ZBTB20: variants seen among roughly 807,000 people sequenced by gnomAD.
ZBTB20 encodes the protein zinc finger and BTB domain containing 20.
In ZBTB20, 9 loss-of-function variants were observed where a neutral mutation model predicts 56.9. The ratio of observed to expected loss-of-function variants is 0.16; its 90% CI spans 0.10 to 0.28. ZBTB20 has a LOEUF of 0.28. Among genes scored for constraint, ZBTB20 ranks in the 10% least tolerant of loss-of-function variants. The probability of loss-of-function intolerance (pLI) is 1.00; values close to 1 mark genes in which losing one functional copy is unlikely to be tolerated. For missense variants in ZBTB20, 655 were observed against 1,003.0 expected, an observed-to-expected ratio of 0.65 and a Z score of 4.69; for synonymous variants, 417 against 420.7, an observed-to-expected ratio of 0.99 and a Z score of 0.11.
intron 7 of ZBTB20, among the ~76,000 whole-genome samples, chr3:114,480,494 C>T (rs571603252): frequency 5.9e-5 from 9 of 152,262 alleles, no homozygotes; most frequent in East Asian, 1.9e-4. Flanking sequence ...TAAGCCCTAA[C>T]GTAAATATGA....
chr3:114,839,477 A>G (rs1355807913), intron 4 of ZBTB20, among the ~76,000 whole-genome samples: 9 of 139,926 alleles, frequency 6.4e-5, no homozygotes, highest in African/African-American at 2.1e-4. Flanking sequence ...GAGAGAGAGA[A>G]AGAAAGAGAA....
intron 1 of ZBTB20, among the ~76,000 whole-genome samples, chr3:115,132,884 T>C (rs193038154): frequency 6.6e-6 from 1 of 152,348 alleles, no homozygotes; most frequent in East Asian, 1.9e-4. Context: ...ATATTTCCTA[T>C]TATTGAATCA....
At position 114,590,352 on chromosome 3, in the gene ZBTB20, G is replaced by A. The variant is rs570756860; in HGVS notation, c.-294-89961C>T. The stretch of plus-strand genomic sequence containing the variant: ...GCACCTGTTATCCCAGCAGGAGGCT[G>A]AGGCAAGTGAATCGCTTGAACTTGG... On this transcript the variant is annotated intron_variant, in intron 6 of 11. Transcript: ENST00000675478. 4.6e-5 allele frequency among the ~76,000 whole-genome samples: 7 copies of A among 152,130 alleles called. No homozygotes were observed. The South Asian group carries it at 1.0e-3, about 23-fold the overall frequency.
intron 4 of ZBTB20, among the ~76,000 whole-genome samples, chr3:114,858,577 A>C (rs556934826): frequency 2.0e-5 from 3 of 151,834 alleles, no homozygotes; most frequent in Non-Finnish European, 4.4e-5. Context: ...CATGGACATC[A>C]TATTTGCTTT....
chr3:115,102,006 TG>T (rs888236674), intron 1 of ZBTB20, among the ~76,000 whole-genome samples: 1 of 152,250 alleles, frequency 6.6e-6, no homozygotes, highest in Non-Finnish European at 1.5e-5. Context: ...TTTTGGGTCA[TG>T]TTTAGAATAC....
chr3:115,071,844 T>C (rs2082420274), intron 1 of ZBTB20, among the ~76,000 whole-genome samples: 1 of 152,056 alleles, frequency 6.6e-6, no homozygotes, highest in South Asian at 2.1e-4. Flanking sequence ...CCGAAGAGGA[T>C]CATCCAAACT....
chr3:114,922,738 A>G (rs2076007213), intron 3 of ZBTB20, among the ~76,000 whole-genome samples: 1 of 152,200 alleles, frequency 6.6e-6, no homozygotes. Context: ...GGAGATTACA[A>G]GGCAAGAGAG....
intron 5 of ZBTB20, among the ~76,000 whole-genome samples, chr3:114,780,487 C>T (rs987053347): frequency 6.6e-6 from 1 of 152,028 alleles, no homozygotes; most frequent in Non-Finnish European, 1.5e-5. Flanking sequence ...TTGGTAACAT[C>T]CTTCTCTTTT....
At chr3:114,413,707 T>A (rs2088220980) in intron 7 of ZBTB20, among the ~76,000 whole-genome samples, 1 of 152,124 alleles carries the variant, frequency 6.6e-6, no homozygotes, top group African/African-American at 2.4e-5. Flanking sequence ...GTCACATATG[T>A]CACATTACCT....
chr3:114,954,294 G>A (rs537903937), intron 3 of ZBTB20, among the ~76,000 whole-genome samples: 1 of 152,126 alleles, frequency 6.6e-6, no homozygotes, highest in East Asian at 1.9e-4. Context: ...TCAGAAAGTG[G>A]CCCTTTTAAT....
At chr3:114,360,318 T>C (rs2081686577) in intron 10 of ZBTB20, among the ~76,000 whole-genome samples, 1 of 150,364 alleles carries the variant, frequency 6.7e-6, no homozygotes, top group African/African-American at 2.4e-5. Context: ...TCTCTGTTTG[T>C]TGGTAGGAGG....
intron 6 of ZBTB20, among the ~76,000 whole-genome samples, chr3:114,581,248 G>C (rs2054607851): frequency 6.6e-6 from 1 of 151,868 alleles, no homozygotes; most frequent in African/African-American, 2.4e-5. Flanking sequence ...GGTGCATGTA[G>C]GGTACCAGAA....
chr3:114,822,037 A>G (rs2073279713), intron 4 of ZBTB20, among the ~76,000 whole-genome samples: 1 of 140,754 alleles, frequency 7.1e-6, no homozygotes, highest in Admixed American at 6.7e-5. Flanking sequence ...AAAGACTTGA[A>G]AAAAATCTCA....
intron 7 of ZBTB20, among the ~76,000 whole-genome samples, chr3:114,417,703 G>T (rs1326816933): frequency 1.3e-5 from 2 of 152,024 alleles, no homozygotes; most frequent in Non-Finnish European, 2.9e-5. Flanking sequence ...CCTTCCAGAT[G>T]AATATACTCA....
intron 6 of ZBTB20, among the ~76,000 whole-genome samples, chr3:114,623,923 C>T (rs917885696): frequency 1.3e-5 from 2 of 152,188 alleles, no homozygotes; most frequent in Non-Finnish European, 2.9e-5. Context: ...CCTCAAGGCT[C>T]TGCCATTGTC....
intron 4 of ZBTB20, among the ~76,000 whole-genome samples, chr3:114,853,795 G>A (rs1198676775): frequency 6.6e-6 from 1 of 152,152 alleles, no homozygotes; most frequent in East Asian, 1.9e-4. Flanking sequence ...GAAGTTAGAG[G>A]ACCCCAATTA....
At chr3:115,025,055 A>T (rs1243621487) in intron 2 of ZBTB20, among the ~76,000 whole-genome samples, 3 of 150,996 alleles carry the variant, frequency 2.0e-5, no homozygotes, top group African/African-American at 7.3e-5. Flanking sequence ...GTATTAAGCC[A>T]AGTATCCATT....
At chr3:114,938,967 G>T (rs946754631) in intron 3 of ZBTB20, among the ~76,000 whole-genome samples, 4 of 145,246 alleles carry the variant, frequency 2.8e-5, no homozygotes, top group Admixed American at 6.6e-5. Flanking sequence ...CCCATTAGAA[G>T]AATCTAGTAT....
At chr3:114,656,756 T>G (rs1485898884) in intron 6 of ZBTB20, among the ~76,000 whole-genome samples, 2 of 152,122 alleles carry the variant, frequency 1.3e-5, no homozygotes. Flanking sequence ...TATACATATA[T>G]TTTTAGAGAC....
Sources: gnomAD v4.1 joint callset for allele counts (sites outside exome capture counted in the v4.1 genomes callset) on GRCh38, gnomAD v4.1.1 for gene constraint, MANE v1.5 for transcripts, NCBI Gene and HGNC (gene_info 2026-07-23, HGNC 2026-07-21) for gene names.